Variants in PTCH1 observed in about 807,000 individuals in gnomAD.
PTCH1 encodes the protein protein patched homolog 1.
A neutral mutation model predicts 144.6 loss-of-function variants in PTCH1; 14 were observed. That is an observed-to-expected ratio of 0.10 (90% confidence interval 0.06 to 0.15). The LOEUF (loss-of-function observed/expected upper bound fraction) is 0.15. PTCH1 is among the 10% of genes least tolerant of loss of function. The pLI is 1.00. For missense variants in PTCH1, 1,623 were observed against 1,948.3 expected (o/e 0.83, Z 3.14); for synonymous variants, 833 against 793.6 (o/e 1.05, Z -0.83).
intron 5 of PTCH1, 72 bp from the exon 6 acceptor site, chr9:95,480,660 C>T: frequency 6.9e-7 from 1 of 1,456,124 alleles, no homozygotes; most frequent in Non-Finnish European, 9.6e-7. Flanking sequence ...CACGGCTGCG[C>T]CCACTGCATC....
chr9:95,472,749 C>T (rs1054704269), intron 12 of PTCH1, among the ~76,000 whole-genome samples: 4 of 152,198 alleles, frequency 2.6e-5, no homozygotes, highest in East Asian at 3.9e-4. Flanking sequence ...CCCCAAGCAG[C>T]GTCCCATCTT....
In PTCH1 at chr9:95,449,041, C is replaced by T. The variant is rs200724772; in HGVS notation, c.3804+28G>A. 6.2e-7 allele frequency: 1 copy of T among 1,613,010 alleles called. No homozygotes were observed. The highest frequency in any genetic ancestry group is 1.7e-5 in the Admixed American group (1 of 60,016). ...GCCCACTACCACGGTGGGAAGACCC[C>T]TCCCCCTGGTTCTGCAGAGTCACTT... On this transcript the variant is annotated intron_variant, in intron 22 of 23. Transcript: ENST00000331920. The surrounding 1 kb of genome is among the most constrained non-coding windows in gnomAD (Gnocchi z 5.3).
chr9:95,456,237 GT>G (rs753792647), intron 19 of PTCH1, 38 bp downstream of exon 19: 3 of 1,610,690 alleles, frequency 1.9e-6, no homozygotes, highest in Admixed American at 3.3e-5. Flanking sequence ...GAAATGGGTT[GT>G]TTTTTCACAA....
chr9:95,459,624 A>G lies in PTCH1; in HGVS notation c.2863T>C (p.Tyr955His), dbSNP rs2136670259. 2 of 1,614,010 alleles carry G rather than the reference A, an allele frequency of 1.2e-6. No homozygotes were observed. The highest frequency in any genetic ancestry group is 2.2e-5 in the South Asian group (2 of 91,078). The part of the protein sequence containing the change: ...RPEWVHDKAD[Y>H]MPETRLRIPA... ...CTTCTCAGCCTTGTTTCAGGCATGT[A>G]GTCGGCTTTGTCGTGGACCCATTCT... Residue 955 changes from tyrosine (Y) to histidine (H), a missense_variant, in exon 17 of 24, where the codon TAC becomes CAC. Around this residue, in one of 7 missense-constraint regions of PTCH1, gnomAD observed 504 missense variants for 679.3 expected, o/e 0.74. Coordinates refer to ENST00000331920, the MANE Select transcript of PTCH1 (RefSeq NM_000264.5).
At chr9:95,464,810 A>T (rs1429247890) in intron 15 of PTCH1, among the ~76,000 whole-genome samples, 1 of 152,232 alleles carries the variant, frequency 6.6e-6, no homozygotes, top group African/African-American at 2.4e-5. Flanking sequence ...GCCACACAAA[A>T]ATGTCAGCAA....
At chr9:95,478,431 G>T (rs567418304) in intron 8 of PTCH1, among the ~76,000 whole-genome samples, 1 of 152,174 alleles carries the variant, frequency 6.6e-6, no homozygotes, top group South Asian at 2.1e-4. Flanking sequence ...GGTGTCGCTG[G>T]AGTTCACTCT....
At chr9:95,452,402 C>A (rs1838539952) in intron 20 of PTCH1, 1 of 152,028 alleles carries the variant, frequency 6.6e-6, no homozygotes, top group Non-Finnish European at 1.5e-5. Flanking sequence ...TCATTTCTCA[C>A]ATCTGGTTCT....
rs1564063068 is a variant in PTCH1 at position 95,485,772 on chromosome 9, C to T, written c.497G>A (p.Gly166Asp). The change falls in exon 3 of 24, where the codon GGT (glycine) becomes GAT (aspartate). Residue 166 changes from glycine to aspartate, a missense_variant. Coordinates refer to ENST00000331920, the MANE Select transcript of PTCH1 (RefSeq NM_000264.5). The part of the protein sequence containing the change: ...QLMIQTPKEE[G>D]ANVLTTEALL... ...CGCTTCTGTGGTCAGGACATTAGCACCTTCTTCTTTAGGGGTCTGTATCAT... is the reference window on the plus strand; with the variant it reads ...CGCTTCTGTGGTCAGGACATTAGCATCTTCTTCTTTAGGGGTCTGTATCAT... 1 of 1,614,168 alleles carries T rather than the reference C, an allele frequency of 6.2e-7. No individual in the cohort carries two copies. Among genetic ancestry groups the T allele is most frequent in the Non-Finnish European group, 8.5e-7 (1 of 1,180,034 alleles).
rs550264862 is a variant in PTCH1, at chr9:95,445,849, A to G, written c.*544T>C. 8.3e-5 allele frequency: 13 copies of G among 156,438 alleles called. No homozygotes were observed. The highest frequency in any genetic ancestry group is 7.5e-4 in the Admixed American group (12 of 15,904). The allele number at this position is 156,438 out of a possible 1,614,324, so 9.7% of individuals were successfully genotyped here. A position where few individuals can be genotyped will look rare whatever the true frequency, so the allele number is the denominator to read the frequency against. ...CCACCAGGATTAACGTGCTTTCTTCATATCTGCTCATTAAACAAAAAAATT... is the reference window on the plus strand; with the variant it reads ...CCACCAGGATTAACGTGCTTTCTTCGTATCTGCTCATTAAACAAAAAAATT... On this transcript the variant is annotated 3_prime_UTR_variant, in exon 24 of 24. Coordinates refer to ENST00000331920, the MANE Select transcript of PTCH1 (RefSeq NM_000264.5).
chr9:95,496,298 A>G (rs936044881), intron 2 of PTCH1, among the ~76,000 whole-genome samples: 3 of 152,252 alleles, frequency 2.0e-5, no homozygotes, highest in African/African-American at 7.2e-5. Context: ...GCTGAAATGT[A>G]CATTCAGACG....
At chr9:95,455,758 C>G (rs543758795) in intron 19 of PTCH1, among the ~76,000 whole-genome samples, 2 of 152,242 alleles carry the variant, frequency 1.3e-5, no homozygotes, top group South Asian at 4.1e-4. Flanking sequence ...AGCCAGTTCC[C>G]CGGGGCTGAA....
intron 12 of PTCH1, among the ~76,000 whole-genome samples, chr9:95,475,349 A>C (rs919122779): frequency 3.3e-5 from 5 of 152,104 alleles, no homozygotes; most frequent in African/African-American, 1.2e-4. Context: ...CGTGCTCTGC[A>C]TGGGAAGGTG....
intron 19 of PTCH1, 97 bp downstream of exon 19, chr9:95,456,179 G>A (rs1311193097): frequency 1.8e-5 from 27 of 1,538,550 alleles, no homozygotes; most frequent in Admixed American, 6.9e-5. Context: ...TCACTGCCAC[G>A]CACAGGGAGA....
At chr9:95,477,526 G>T (rs1841146736) in intron 10 of PTCH1, 21 bp downstream of exon 10, 1 of 1,614,012 alleles carries the variant, frequency 6.2e-7, no homozygotes, top group African/African-American at 1.3e-5. Context: ...ACGGACAGCA[G>T]ATAAATGGCT....
intron 2 of PTCH1, among the ~76,000 whole-genome samples, chr9:95,500,747 C>T (rs61184807): frequency 0.025 from 3,793 of 152,242 alleles, 143 homozygotes; most frequent in African/African-American, 0.084. Flanking sequence ...ACACACTAGC[C>T]GGGCTTCTGA....
intron 20 of PTCH1, 172 bp from the exon 21 acceptor site, chr9:95,450,112 T>C: frequency 1.5e-6 from 1 of 685,882 alleles, no homozygotes; most frequent in Non-Finnish European, 2.7e-6. Context: ...TTTTTGCTTT[T>C]TGTTTCTTTA....
At chr9:95,478,559 C>G (rs1415674434) in intron 8 of PTCH1, among the ~76,000 whole-genome samples, 2 of 152,206 alleles carry the variant, frequency 1.3e-5, no homozygotes, top group Non-Finnish European at 2.9e-5. Context: ...TATGGCCCTC[C>G]TCCCCCTGTT....
At chr9:95,501,731 A>G (rs1261953761) in intron 2 of PTCH1, among the ~76,000 whole-genome samples, 1 of 152,200 alleles carries the variant, frequency 6.6e-6, no homozygotes, top group African/African-American at 2.4e-5. Flanking sequence ...TGAATGTTCT[A>G]TCGCTGGAGA....
In PTCH1 at chr9:95,462,941, G is replaced by A. The variant is rs116300536; in HGVS notation, c.2561-943C>T. On this transcript the variant is annotated intron_variant, in intron 15 of 23. Coordinates refer to ENST00000331920, the MANE Select transcript of PTCH1 (RefSeq NM_000264.5). Reference sequence around the variant, plus strand: ...AGAGAAAACAGGGCCCCGGTGACCCGGCCTTAGGGTCTGAGCGCTGGCTGG... The same window carrying A: ...AGAGAAAACAGGGCCCCGGTGACCCAGCCTTAGGGTCTGAGCGCTGGCTGG... 8.9e-3 allele frequency among the ~76,000 whole-genome samples: 1,361 copies of A among 152,192 alleles called. 21 individuals carry two copies. Among genetic ancestry groups the A allele is most frequent in the African/African-American group, 0.031 (1,307 of 41,496 alleles).
Sources: gnomAD v4.1 joint callset for allele counts (sites outside exome capture counted in the v4.1 genomes callset) on GRCh38, gnomAD v4.1.1 for gene constraint, gnomAD v4.1.1 regional missense constraint, Gnocchi (gnomAD v3.1) non-coding constraint, MANE v1.5 for transcripts, NCBI Gene and HGNC (gene_info 2026-07-23, HGNC 2026-07-21) for gene names.